Variants in KCNK13 observed in about 807,000 individuals in gnomAD.
KCNK13 encodes potassium channel subfamily K member 13.
Under a neutral mutation model 23.4 loss-of-function variants are expected in KCNK13, and 12 were observed. That is an observed-to-expected ratio of 0.51 (90% CI 0.33 to 0.83). The LOEUF is 0.83. KCNK13 is among the 40% of genes least tolerant of loss of function. The pLI, the probability that KCNK13 is intolerant of heterozygous loss-of-function variation, is 0.02. For missense variants in KCNK13, 463 were observed against 556.3 expected (o/e 0.83, Z 1.69); for synonymous variants, 231 against 229.5 (o/e 1.01, Z -0.06).
chr14:90,141,123 C>T (rs1382039741), intron 1 of KCNK13, among the ~76,000 whole-genome samples: 2 of 152,200 alleles, frequency 1.3e-5, no homozygotes, highest in Non-Finnish European at 1.5e-5. Context: ...AGCAGCCCTT[C>T]CTCCTCCATT....
chr14:90,064,368 AGT>A (rs1218091031), intron 1 of KCNK13, among the ~76,000 whole-genome samples: 2 of 149,264 alleles, frequency 1.3e-5, no homozygotes, highest in South Asian at 4.2e-4. Context: ...GAAGGAGCAG[AGT>A]GTGTGTGTGG....
chr14:90,140,809 A>G (rs17223901), intron 1 of KCNK13, among the ~76,000 whole-genome samples: 9,622 of 152,190 alleles, frequency 0.063, 400 homozygotes, highest in South Asian at 0.21. Flanking sequence ...CCCGGGGCGC[A>G]GTGGATGTTT....
chr14:90,114,866 G>C (rs1163175183), intron 1 of KCNK13, among the ~76,000 whole-genome samples: 1 of 152,218 alleles, frequency 6.6e-6, no homozygotes, highest in Non-Finnish European at 1.5e-5. Context: ...TGCTCACCAG[G>C]TAGCAGCCTC....
chr14:90,126,428 T>TTGATGTGACG (rs59593864), intron 1 of KCNK13, among the ~76,000 whole-genome samples: 1 of 151,254 alleles, frequency 6.6e-6, no homozygotes, highest in Non-Finnish European at 1.5e-5. Context: ...GTGTATCCCC[T>TTGATGTGACG]TGATGTGACG....
intron 1 of KCNK13, among the ~76,000 whole-genome samples, chr14:90,099,143 G>A (rs533934243): frequency 3.3e-5 from 5 of 151,982 alleles, no homozygotes; most frequent in Admixed American, 6.6e-5. Flanking sequence ...GTTTTTGTGC[G>A]ATTCTTCCCA....
intron 1 of KCNK13, among the ~76,000 whole-genome samples, chr14:90,130,579 G>A (rs544133540): frequency 2.6e-5 from 4 of 151,996 alleles, no homozygotes; most frequent in East Asian, 2.0e-4. Context: ...TTGGGAGGCC[G>A]AGGTGGGCAG....
intron 1 of KCNK13, among the ~76,000 whole-genome samples, chr14:90,154,644 T>G (rs974439267): frequency 6.6e-6 from 1 of 152,252 alleles, no homozygotes; most frequent in African/African-American, 2.4e-5. Flanking sequence ...TACTCAGAAC[T>G]ATCAGAGGTA....
intron 1 of KCNK13, among the ~76,000 whole-genome samples, chr14:90,109,865 C>T (rs1021466733): frequency 7.2e-5 from 11 of 152,088 alleles, no homozygotes; most frequent in African/African-American, 1.4e-4. Flanking sequence ...TGCACTACCA[C>T]GACAAGCTAA....
At chr14:90,147,086 T>A (rs948482974) in intron 1 of KCNK13, among the ~76,000 whole-genome samples, 38 of 152,224 alleles carry the variant, frequency 2.5e-4, no homozygotes, top group Non-Finnish European at 7.3e-5. Flanking sequence ...TATCTTAAGA[T>A]AATGTGTTTG....
intron 1 of KCNK13, among the ~76,000 whole-genome samples, chr14:90,064,597 C>T (rs1888986359): frequency 6.6e-6 from 1 of 152,192 alleles, no homozygotes; most frequent in African/African-American, 2.4e-5. Flanking sequence ...GAGGCATCTA[C>T]AGAGTGCCCA....
At chr14:90,135,322 C>T (rs1337516794) in intron 1 of KCNK13, among the ~76,000 whole-genome samples, 1 of 152,166 alleles carries the variant, frequency 6.6e-6, no homozygotes, top group East Asian at 1.9e-4. Flanking sequence ...CCTCAGGGTC[C>T]AGCCAGCCCG....
In KCNK13 at chr14:90,148,985, G is replaced by A. The variant is rs373072183; in HGVS notation, c.335-35126G>A. Among the ~76,000 whole-genome samples, 10 of 152,294 alleles carry A rather than the reference G, an allele frequency of 6.6e-5. 1 individual carries two copies. Among genetic ancestry groups the A allele is most frequent in the Admixed American group, 2.0e-4 (3 of 15,288 alleles). ...CTGAAAGATGAATGAGGTCAGGAAA[G>A]GTTTATATATTGCATGGTGTATTAG... On this transcript the variant is annotated intron_variant, in intron 1 of 1. Coordinates refer to ENST00000282146, the MANE Select transcript of KCNK13 (RefSeq NM_022054.4).
intron 1 of KCNK13, among the ~76,000 whole-genome samples, chr14:90,163,101 G>A (rs1890267990): frequency 1.3e-5 from 2 of 152,168 alleles, no homozygotes; most frequent in South Asian, 2.1e-4. Flanking sequence ...GAAGCTGAGA[G>A]GTAATGTCTT....
At chr14:90,127,832 A>AG (rs1243745799) in intron 1 of KCNK13, among the ~76,000 whole-genome samples, 17 of 151,526 alleles carry the variant, frequency 1.1e-4, no homozygotes, top group African/African-American at 4.1e-4. Context: ...AAAAAAAAAA[A>AG]AAAAAAGGCT....
In KCNK13 at chr14:90,184,131, G is replaced by A. The variant is rs765804696; in HGVS notation, c.355G>A (p.Ala119Thr). Residue 119 changes from alanine (A) to threonine (T), a missense_variant, in exon 2 of 2, where the codon GCG becomes ACG. Physicochemically the swap from Ala to Thr is moderately conservative, Grantham distance 58. Around this residue, in one of 3 missense-constraint regions of KCNK13, gnomAD observed 144 missense variants for 224.0 expected, o/e 0.64. Coordinates refer to ENST00000282146, the MANE Select transcript of KCNK13 (RefSeq NM_022054.4). The surrounding 1 kb of genome is among the most constrained non-coding windows in gnomAD (Gnocchi z 5.6). ...TGCAGGGTTTGGGATGACAACTCCG[G>A]CGACAGTAGGAGGAAAAATCTTTCT... ...STIGFGMTTP[A>T]TVGGKIFLIF... The A allele has an allele frequency of 2.5e-6, 4 of 1,613,238 alleles. No homozygotes were observed. The highest frequency in any genetic ancestry group is 3.4e-6 in the Non-Finnish European group (4 of 1,179,270).
At chr14:90,127,701 C>CCCAACTA (rs1889818365) in intron 1 of KCNK13, among the ~76,000 whole-genome samples, 1 of 150,566 alleles carries the variant, frequency 6.6e-6, no homozygotes, top group South Asian at 2.1e-4. Context: ...CTCCTGTAGT[C>CCCAACTA]CCAACTACTC....
In KCNK13 at chr14:90,092,690, G is replaced by A. The variant is rs562018870; in HGVS notation, c.334+30151G>A. 2.0e-5 allele frequency among the ~76,000 whole-genome samples: 3 copies of A among 152,192 alleles called. No homozygotes were observed. In the South Asian group the frequency reaches 6.2e-4, roughly 32 times the overall value. On this transcript the variant is annotated intron_variant, in intron 1 of 1. Transcript: ENST00000282146. ...CATGCCTATAATCCCAACACTTTGGGAGGCCAAGGAGGGAGGAGTTTGAGA... is the reference window on the plus strand; with the variant it reads ...CATGCCTATAATCCCAACACTTTGGAAGGCCAAGGAGGGAGGAGTTTGAGA...
At chr14:90,088,595 T>C (rs1311815275) in intron 1 of KCNK13, among the ~76,000 whole-genome samples, 1 of 152,228 alleles carries the variant, frequency 6.6e-6, no homozygotes, top group Middle Eastern at 3.2e-3. Context: ...AAATATAGAT[T>C]TCTGATTTCT....
intron 1 of KCNK13, chr14:90,108,095 A>G: frequency 2.1e-6 from 1 of 466,344 alleles, no homozygotes; most frequent in East Asian, 4.6e-5. Flanking sequence ...GGGCACAAAC[A>G]GCTTTTTTCT....
Sources: gnomAD v4.1 joint callset for allele counts (sites outside exome capture counted in the v4.1 genomes callset) on GRCh38, gnomAD v4.1.1 for gene constraint, gnomAD v4.1.1 regional missense constraint, Gnocchi (gnomAD v3.1) non-coding constraint, MANE v1.5 for transcripts, NCBI Gene and HGNC (gene_info 2026-07-23, HGNC 2026-07-21) for gene names.